Variants in HDAC8 observed in about 807,000 individuals in gnomAD.
HDAC8 encodes histone deacetylase 8, also known as histone deacetylase-like 1.
A neutral mutation model predicts 32.2 loss-of-function variants in HDAC8; 1 was observed. That is an observed-to-expected ratio of 0.03 (90% CI 0.01 to 0.15). The LOEUF (loss-of-function observed/expected upper bound fraction) is 0.15, where lower values mean the gene tolerates loss of function less well. Ranked by LOEUF, HDAC8 falls within the 10% of genes least tolerant of loss-of-function variation. HDAC8 has a pLI of 1.00. For missense variants in HDAC8, 117 were observed against 300.0 expected (o/e 0.39, Z 4.51); for synonymous variants, 108 against 113.9 (o/e 0.95, Z 0.33).
At chrX:72,351,674 G>T (rs2044184235) in intron 10 of HDAC8, 59 bp downstream of exon 10, 2 of 840,414 alleles carry the variant, frequency 2.4e-6, no homozygotes, top group African/African-American at 2.0e-5. Context: ...AGCCCCCACT[G>T]ATGGGCCACC....
intron 4 of HDAC8, among the ~76,000 whole-genome samples, chrX:72,544,522 C>T (rs941133880): frequency 7.2e-5 from 8 of 111,460 alleles, no homozygotes; most frequent in African/African-American, 2.6e-4. Context: ...CTGATGTTTT[C>T]AATCTTCCTA....
At chrX:72,353,278 T>A (rs1233633398) in intron 9 of HDAC8, among the ~76,000 whole-genome samples, 2 of 112,255 alleles carry the variant, frequency 1.8e-5, no homozygotes, top group Admixed American at 1.9e-4. Flanking sequence ...TGCATATCCA[T>A]GACAGAAAAC....
intron 9 of HDAC8, among the ~76,000 whole-genome samples, chrX:72,418,569 T>C (rs111474562): frequency 0.057 from 6,358 of 111,402 alleles, 434 homozygotes; most frequent in African/African-American, 0.2. Context: ...AAGGGAATGC[T>C]TATACACTGT....
At chrX:72,360,971 T>C (rs782636559) in intron 9 of HDAC8, among the ~76,000 whole-genome samples, 5 of 111,682 alleles carry the variant, frequency 4.5e-5, no homozygotes, top group Non-Finnish European at 9.4e-5. Context: ...AAAGCGCTTG[T>C]GAGCAGGCAG....
chrX:72,346,524 T>C (rs1318338753), intron 10 of HDAC8, among the ~76,000 whole-genome samples: 1 of 112,042 alleles, frequency 8.9e-6, no homozygotes, highest in Non-Finnish European at 1.9e-5. Flanking sequence ...CAATCCCGGA[T>C]GTCAGGCTGC....
intron 9 of HDAC8, among the ~76,000 whole-genome samples, chrX:72,448,844 C>A (rs2047493140): frequency 8.9e-6 from 1 of 112,677 alleles, no homozygotes; most frequent in Non-Finnish European, 1.9e-5. Context: ...CATCACTGTT[C>A]ATTAGAGAAA....
At chrX:72,508,930 T>A (rs1466488184) in intron 4 of HDAC8, among the ~76,000 whole-genome samples, 1 of 112,089 alleles carries the variant, frequency 8.9e-6, no homozygotes, top group Non-Finnish European at 1.9e-5. Flanking sequence ...TACCAAAAGC[T>A]GTACATACTT....
At chrX:72,518,218 C>T (rs1193905053) in intron 4 of HDAC8, among the ~76,000 whole-genome samples, 4 of 111,289 alleles carry the variant, frequency 3.6e-5, no homozygotes, top group African/African-American at 1.3e-4. Context: ...ATCATAATCT[C>T]GTATTAGAAT....
At chrX:72,527,583 T>G (rs1400686045) in intron 4 of HDAC8, among the ~76,000 whole-genome samples, 1 of 111,007 alleles carries the variant, frequency 9.0e-6, no homozygotes. Context: ...AAACAAGTAT[T>G]TAAATACATG....
At chrX:72,421,192 T>C (rs1346908110) in intron 9 of HDAC8, among the ~76,000 whole-genome samples, 2 of 111,639 alleles carry the variant, frequency 1.8e-5, no homozygotes, top group East Asian at 5.6e-4. Context: ...CTAGTTTGAA[T>C]TGATACCAAC....
intron 4 of HDAC8, among the ~76,000 whole-genome samples, chrX:72,515,458 A>G (rs1334879430): frequency 1.8e-5 from 2 of 109,707 alleles, no homozygotes; most frequent in African/African-American, 3.3e-5. Flanking sequence ...GGGCATGGAT[A>G]ACAAGAAGCC....
intron 7 of HDAC8, among the ~76,000 whole-genome samples, chrX:72,486,531 C>T (rs1401438238): frequency 9.0e-6 from 1 of 111,549 alleles, no homozygotes; most frequent in Non-Finnish European, 1.9e-5. Context: ...TTTAAATTAG[C>T]CAGATGTGGT....
At chrX:72,446,456 G>A (rs1301369069) in intron 9 of HDAC8, among the ~76,000 whole-genome samples, 1 of 110,073 alleles carries the variant, frequency 9.1e-6, no homozygotes, top group Non-Finnish European at 1.9e-5. Flanking sequence ...AACACTGCAT[G>A]TTCTCACTCA....
chrX:72,459,778 G>A (rs1237235151), intron 9 of HDAC8, among the ~76,000 whole-genome samples: 1 of 111,297 alleles, frequency 9.0e-6, no homozygotes, highest in Non-Finnish European at 1.9e-5. Context: ...ATTTAGCATG[G>A]TGTCTGGCAC....
chrX:72,390,025 T>A (rs1253495265), intron 9 of HDAC8, among the ~76,000 whole-genome samples: 2 of 112,028 alleles, frequency 1.8e-5, no homozygotes, highest in Non-Finnish European at 3.8e-5. Flanking sequence ...TCCCTTAATT[T>A]TTTTTAATTT....
intron 7 of HDAC8, among the ~76,000 whole-genome samples, chrX:72,470,008 C>T (rs180864086): frequency 1.0e-4 from 11 of 109,584 alleles, no homozygotes; most frequent in South Asian, 4.1e-4. Flanking sequence ...ATTAGCTGGG[C>T]GTGGTGGTGG....
At chrX:72,534,517 C>T (rs1199147665) in intron 4 of HDAC8, among the ~76,000 whole-genome samples, 2 of 109,875 alleles carry the variant, frequency 1.8e-5, no homozygotes, top group African/African-American at 6.6e-5. Context: ...CCATGTTGGC[C>T]AGGCTGGTCT....
At chrX:72,445,076 A>G (rs2147996346) in intron 9 of HDAC8, among the ~76,000 whole-genome samples, 1 of 109,956 alleles carries the variant, frequency 9.1e-6, no homozygotes, top group African/African-American at 3.3e-5. Flanking sequence ...ATGGGTAGGA[A>G]GAATCAATAT....
At chrX:72,555,350 A>T (rs2051247900) in intron 4 of HDAC8, among the ~76,000 whole-genome samples, 1 of 111,946 alleles carries the variant, frequency 8.9e-6, no homozygotes, top group Non-Finnish European at 1.9e-5. Context: ...GTTATTTAAC[A>T]TCCCCAAAAG....
Sources: gnomAD v4.1 joint callset for allele counts (sites outside exome capture counted in the v4.1 genomes callset) on GRCh38, gnomAD v4.1.1 for gene constraint, MANE v1.5 for transcripts, NCBI Gene and HGNC (gene_info 2026-07-23, HGNC 2026-07-21) for gene names.